The following ANGEL2 variants were observed in gnomAD, a reference collection of about 807,000 sequenced individuals.
ANGEL2 encodes the protein angel homolog 2, also known as RNA 2',3'-cyclic phosphatase ANGEL2.
In ANGEL2, 41 loss-of-function variants were observed where a neutral mutation model predicts 66.0. The observed-to-expected ratio is 0.62, with a 90% CI of 0.48 to 0.81. The LOEUF (loss-of-function observed/expected upper bound fraction) is 0.81. Ranked by LOEUF, ANGEL2 falls within the 30% of genes least tolerant of loss-of-function variation. The pLI, the probability that ANGEL2 is intolerant of heterozygous loss-of-function variation, is 0.00. For synonymous variants in ANGEL2, 208 were observed against 226.5 expected, an observed-to-expected ratio of 0.92 and a Z score of 0.73; for missense variants, 561 against 641.6, an observed-to-expected ratio of 0.87 and a Z score of 1.36.
In ANGEL2 at chr1:212,994,012, G is replaced by C. The variant is rs2075927304; in HGVS notation, c.*1029C>G. The stretch of plus-strand genomic sequence containing the variant: ...TTTTTAAAAAATGCTGCCATGTGCA[G>C]TGGCTCCCGCCTGTAATCCCAGCAC... On this transcript the variant is annotated 3_prime_UTR_variant, in exon 9 of 9. Transcript: ENST00000366962. 1 of 152,234 alleles carries C rather than the reference G, an allele frequency of 6.6e-6. No individual in the cohort carries two copies. The highest frequency in any genetic ancestry group is 1.5e-5 in the Non-Finnish European group (1 of 68,046). The allele number at this position is 152,234 out of a possible 1,614,324, so 9.4% of individuals were successfully genotyped here.
intron 1 of ANGEL2, among the ~76,000 whole-genome samples, chr1:213,014,006 A>G (rs1010547534): frequency 5.3e-5 from 8 of 152,176 alleles, no homozygotes; most frequent in Admixed American, 4.6e-4. Flanking sequence ...TTATTTCTCC[A>G]TTCTTTTTTA....
chr1:213,010,433 G>A (rs1052291832), intron 2 of ANGEL2, among the ~76,000 whole-genome samples: 3 of 152,048 alleles, frequency 2.0e-5, no homozygotes, highest in Admixed American at 6.6e-5. Context: ...TTAGCCGGGC[G>A]TGGTGGCGGG....
chr1:213,000,682 G>T, intron 6 of ANGEL2, 104 bp downstream of exon 6: 1 of 1,231,358 alleles, frequency 8.1e-7, no homozygotes, highest in Non-Finnish European at 1.1e-6. Context: ...TTATATATAT[G>T]AATATTCATC....
At chr1:213,006,159 C>CA (rs961980120) in intron 4 of ANGEL2, among the ~76,000 whole-genome samples, 23 of 151,322 alleles carry the variant, frequency 1.5e-4, no homozygotes, top group Non-Finnish European at 2.2e-4. Flanking sequence ...AGTAGGCACT[C>CA]AAAAAAAAAT....
chr1:213,004,738 C>T (rs4951660), intron 5 of ANGEL2, among the ~76,000 whole-genome samples: 69,399 of 151,364 alleles, frequency 0.46, 19,824 homozygotes, highest in Non-Finnish European at 0.63. Flanking sequence ...TGTGGTGGCA[C>T]ACACCTGTAA....
chr1:213,010,051 CAA>C (rs57723014), intron 2 of ANGEL2, among the ~76,000 whole-genome samples: 22 of 51,272 alleles, frequency 4.3e-4, no homozygotes, highest in Non-Finnish European at 4.3e-4. Flanking sequence ...GACTCCAACT[CAA>C]AAAAAAAAAA....
At chr1:212,999,104 C>T (rs2076108517) in intron 7 of ANGEL2, among the ~76,000 whole-genome samples, 1 of 151,838 alleles carries the variant, frequency 6.6e-6, no homozygotes, top group Admixed American at 6.6e-5. Flanking sequence ...GAACTCCTGA[C>T]CTCGTGATCC....
At chr1:212,995,636 CT>C (rs1313043443) in intron 8 of ANGEL2, among the ~76,000 whole-genome samples, 6 of 152,194 alleles carry the variant, frequency 3.9e-5, no homozygotes, top group Admixed American at 6.5e-5. Flanking sequence ...AGATGACATG[CT>C]CTTTTTGAAA....
intron 1 of ANGEL2, among the ~76,000 whole-genome samples, chr1:213,014,024 T>C (rs2076574991): frequency 6.6e-6 from 1 of 152,184 alleles, no homozygotes; most frequent in African/African-American, 2.4e-5. Flanking sequence ...TTAAGCATGA[T>C]TCTCGTTGGG....
At chr1:213,015,533 C>CCG in intron 1 of ANGEL2, 80 bp downstream of exon 1, 38 of 1,533,046 alleles carry the variant, frequency 2.5e-5, no homozygotes, top group South Asian at 9.7e-5. Context: ...CGCCCCGCCC[C>CCG]GGGTTAGTCC....
Position 213,015,792 on chromosome 1 carries a change from G to C in ANGEL2, c.-121C>G, listed in dbSNP as rs2076631476. The C allele has an allele frequency of 1.1e-5, 15 of 1,343,274 alleles. No homozygotes were observed. Among genetic ancestry groups the C allele is most frequent in the Non-Finnish European group, 1.6e-5 (15 of 960,100 alleles). The allele number at this position is 1,343,274 out of a possible 1,614,324, so 83.2% of individuals were successfully genotyped here. A position where few individuals can be genotyped will look rare whatever the true frequency, so the allele number is the denominator to read the frequency against. The stretch of plus-strand genomic sequence containing the variant: ...ACTCTTAAGTACCGACTCCAGTCCT[G>C]GCTGCAAGGCATGCTGGGAGGTGCA... On this transcript the variant is annotated 5_prime_UTR_variant, in exon 1 of 9. Transcript: ENST00000366962.
chr1:213,008,244 T>C lies in ANGEL2; in HGVS notation c.608A>G (p.Asn203Ser), dbSNP rs1182894006. Residue 203 changes from asparagine to serine, a missense_variant, in exon 3 of 9, where the codon AAT becomes AGT. By Grantham distance (46) the Asn-to-Ser change is conservative. Transcript: ENST00000366962. ...AAAATGTTTAATTTCTTTCAGAATA[T>C]TGGGAAACCTAAAACTCCAGTGTAA... ...PVLHWSFRFPNILKEIKHFDA... is the reference protein window; with the variant it reads ...PVLHWSFRFPSILKEIKHFDA... 1.9e-6 allele frequency: 3 copies of C among 1,613,764 alleles called. No homozygotes were observed. Among genetic ancestry groups the C allele is most frequent in the East Asian group, 2.2e-5 (1 of 44,894 alleles).
At chr1:213,012,900 C>G (rs1422818842) in intron 2 of ANGEL2, among the ~76,000 whole-genome samples, 193 bp downstream of exon 2, 1 of 152,090 alleles carries the variant, frequency 6.6e-6, no homozygotes, top group Non-Finnish European at 1.5e-5. Context: ...GTCAGAAATA[C>G]ACAATTAGTT....
rs573067383 is a variant in ANGEL2 at position 213,005,556 on chromosome 1, T to C, written c.713-102A>G. 2.4e-3 allele frequency: 2,933 copies of C among 1,218,386 alleles called. 5 individuals carry two copies. The highest frequency in any genetic ancestry group is 3.0e-3 in the Non-Finnish European group (2,678 of 882,788). The allele number at this position is 1,218,386 out of a possible 1,614,324, so 75.5% of individuals were successfully genotyped here. A position where few individuals can be genotyped will look rare whatever the true frequency, so the allele number is the denominator to read the frequency against. ...GAACAATGTTTACCAAACTGTATTC[T>C]GCAAAACATTAGTAATGTAGGATGT... On this transcript the variant is annotated intron_variant, in intron 4 of 8. Coordinates refer to ENST00000366962, the MANE Select transcript of ANGEL2 (RefSeq NM_144567.5).
At chr1:212,996,400 C>T (rs968673692) in intron 8 of ANGEL2, among the ~76,000 whole-genome samples, 1 of 151,212 alleles carries the variant, frequency 6.6e-6, no homozygotes, top group African/African-American at 2.4e-5. Context: ...CCGAGGTGGA[C>T]GGCTTGAGCC....
intron 2 of ANGEL2, among the ~76,000 whole-genome samples, chr1:213,012,691 C>A (rs554523910): frequency 6.6e-6 from 1 of 152,264 alleles, no homozygotes; most frequent in South Asian, 2.1e-4. Flanking sequence ...AAAATGTTAG[C>A]TTAAAAATGA....
intron 2 of ANGEL2, 49 bp downstream of exon 2, chr1:213,013,044 A>T: frequency 6.5e-7 from 1 of 1,543,682 alleles, no homozygotes; most frequent in Non-Finnish European, 8.8e-7. Context: ...GTTTCAATTT[A>T]GTCTATCACT....
At chr1:213,006,361 G>A (rs1255267393) in intron 4 of ANGEL2, among the ~76,000 whole-genome samples, 2 of 151,468 alleles carry the variant, frequency 1.3e-5, no homozygotes, top group African/African-American at 2.4e-5. Flanking sequence ...CTACTAGGGA[G>A]CCTGAGGCAG....
chr1:213,013,758 C>T (rs1050054514), intron 1 of ANGEL2, among the ~76,000 whole-genome samples: 1 of 152,110 alleles, frequency 6.6e-6, no homozygotes, highest in Non-Finnish European at 1.5e-5. Flanking sequence ...ACCTACAAAA[C>T]TCAATGAGAA....
Sources: allele counts gnomAD v4.1 joint callset (sites outside exome capture counted in the v4.1 genomes callset), GRCh38; gene constraint gnomAD v4.1.1; transcripts MANE v1.5; gene names NCBI Gene and HGNC (gene_info 2026-07-23, HGNC 2026-07-21).